Variants in SRGAP3 observed in about 807,000 individuals in gnomAD.
SRGAP3 encodes SLIT-ROBO Rho GTPase activating protein 3.
SRGAP3 carries 39 observed loss-of-function variants against 121.1 expected under a neutral mutation model. That is an observed-to-expected ratio of 0.32 (90% confidence interval 0.25 to 0.42). The LOEUF (loss-of-function observed/expected upper bound fraction) is 0.42. Ranked by LOEUF, SRGAP3 falls within the 10% of genes least tolerant of loss-of-function variation. The pLI, the probability that SRGAP3 is intolerant of heterozygous loss-of-function variation, is 1.00. For missense variants in SRGAP3, 1,213 were observed against 1,470.6 expected, an observed-to-expected ratio of 0.82 and a Z score of 2.86; for synonymous variants, 601 against 570.0, an observed-to-expected ratio of 1.05 and a Z score of -0.77.
intron 3 of SRGAP3, among the ~76,000 whole-genome samples, chr3:9,082,334 G>GT (rs1469134264): frequency 6.6e-6 from 1 of 152,160 alleles, no homozygotes; most frequent in Non-Finnish European, 1.5e-5. Context: ...TTACAGCAAT[G>GT]TAAGAACAGA....
chr3:9,004,874 T>A (rs1406769251), intron 18 of SRGAP3, among the ~76,000 whole-genome samples: 1 of 152,182 alleles, frequency 6.6e-6, no homozygotes, highest in Non-Finnish European at 1.5e-5. Context: ...GCCTCTTAGA[T>A]ATAACACCAA....
At chr3:9,087,340 G>A (rs905748047) in intron 3 of SRGAP3, among the ~76,000 whole-genome samples, 1 of 151,400 alleles carries the variant, frequency 6.6e-6, no homozygotes, top group African/African-American at 2.4e-5. Flanking sequence ...CAACACCCAC[G>A]AGATGCCAAG....
chr3:9,173,030 C>T (rs1028631144), intron 1 of SRGAP3, among the ~76,000 whole-genome samples: 2 of 152,148 alleles, frequency 1.3e-5, no homozygotes, highest in African/African-American at 2.4e-5. Context: ...GGGCATGGCT[C>T]GTGGCCACAA....
At chr3:9,358,258 A>G (rs2030623090) in intron 1 of SRGAP3, among the ~76,000 whole-genome samples, 2 of 148,276 alleles carry the variant, frequency 1.3e-5, no homozygotes, top group South Asian at 4.3e-4. Flanking sequence ...CCCCAGCCCT[A>G]AGCAACCATT....
chr3:9,142,523 C>T (rs1949889223), intron 1 of SRGAP3, among the ~76,000 whole-genome samples: 1 of 152,218 alleles, frequency 6.6e-6, no homozygotes, highest in South Asian at 2.1e-4. Context: ...AAACTCTCTG[C>T]CAAGCTCATA....
intron 3 of SRGAP3, among the ~76,000 whole-genome samples, chr3:9,083,141 C>T (rs1947314961): frequency 6.6e-6 from 1 of 152,198 alleles, no homozygotes; most frequent in South Asian, 2.1e-4. Context: ...TCCCCTGTGG[C>T]CCCTCCCCCT....
intron 1 of SRGAP3, among the ~76,000 whole-genome samples, chr3:9,170,273 T>A (rs1162505628): frequency 6.6e-6 from 1 of 152,168 alleles, no homozygotes; most frequent in Non-Finnish European, 1.5e-5. Flanking sequence ...AAGCCCTGCA[T>A]CACGTCAGTG....
chr3:9,237,406 CA>C (rs1953453558), intron 1 of SRGAP3, among the ~76,000 whole-genome samples: 2 of 152,112 alleles, frequency 1.3e-5, no homozygotes, highest in Non-Finnish European at 2.9e-5. Context: ...CAAGAGAAAT[CA>C]AAGCTCTTAT....
chr3:9,059,283 A>G (rs1293746186), intron 6 of SRGAP3: 1 of 152,306 alleles, frequency 6.6e-6, no homozygotes, highest in African/African-American at 2.4e-5. Context: ...AGTTCCAGAC[A>G]ACAGCAGGTG....
chr3:9,261,514 A>G (rs901438873), intron 3 of SRGAP3, among the ~76,000 whole-genome samples: 5 of 152,080 alleles, frequency 3.3e-5, no homozygotes, highest in Non-Finnish European at 7.4e-5. Flanking sequence ...AAATGACCTG[A>G]TGGAACTGAA....
At chr3:9,231,453 T>C (rs1953209431) in intron 1 of SRGAP3, among the ~76,000 whole-genome samples, 1 of 152,262 alleles carries the variant, frequency 6.6e-6, no homozygotes, top group Admixed American at 6.5e-5. Context: ...CCTAGCAATA[T>C]AATTTCTGTT....
chr3:9,359,773 A>G (rs908777929), intron 1 of SRGAP3, among the ~76,000 whole-genome samples: 17 of 152,240 alleles, frequency 1.1e-4, no homozygotes, highest in Non-Finnish European at 1.5e-5. Context: ...AAACCAATGT[A>G]TCATATCACA....
chr3:9,259,805 G>T (rs1174361232), intron 3 of SRGAP3, among the ~76,000 whole-genome samples: 2 of 147,990 alleles, frequency 1.4e-5, no homozygotes, highest in Non-Finnish European at 3.0e-5. Flanking sequence ...CAATTTTTAG[G>T]TTGGCTTCAT....
intron 1 of SRGAP3, among the ~76,000 whole-genome samples, chr3:9,242,202 G>A (rs4686332): frequency 0.44 from 66,400 of 151,854 alleles, 14,870 homozygotes; most frequent in Admixed American, 0.5. Context: ...AAGCCAGGAA[G>A]CAGGCCGTCA....
chr3:8,992,675 T>C (rs1219408905), intron 20 of SRGAP3: 1 of 632,926 alleles, frequency 1.6e-6, no homozygotes, highest in Admixed American at 2.7e-5. Flanking sequence ...AAGCACTGGG[T>C]TCCCAACACA....
Position 8,990,769 on chromosome 3 carries a change from G to A in SRGAP3, c.2629C>T (p.Arg877Trp), listed in dbSNP as rs1223616278. ...RSGGDTHSPP[R>W]GLGPSIDTPP... Reference sequence around the variant, plus strand: ...GTGTCTATGCTGGGGCCCAGGCCCCGGGGCGGGCTGTGTGTGTCGCCCCCG... The same window carrying A: ...GTGTCTATGCTGGGGCCCAGGCCCCAGGGCGGGCTGTGTGTGTCGCCCCCG... Residue 877 changes from arginine to tryptophan, a missense_variant, in exon 21 of 22, where the codon CGG becomes TGG. Physicochemically the swap from Arg to Trp is moderately radical, Grantham distance 101. Coordinates refer to ENST00000383836, the MANE Select transcript of SRGAP3 (RefSeq NM_014850.4). 4 of 1,603,284 alleles carry A rather than the reference G, an allele frequency of 2.5e-6. No individual in the cohort carries two copies. The highest frequency in any genetic ancestry group is 2.2e-5 in the East Asian group (1 of 44,638).
chr3:9,018,742 AT>A (rs890940627), intron 14 of SRGAP3, among the ~76,000 whole-genome samples: 2 of 152,022 alleles, frequency 1.3e-5, no homozygotes, highest in African/African-American at 2.4e-5. Context: ...TTAGGTAGTA[AT>A]TTTTTTTAGA....
intron 14 of SRGAP3, among the ~76,000 whole-genome samples, chr3:9,017,167 G>C (rs1174189862): frequency 2.0e-5 from 3 of 152,126 alleles, no homozygotes; most frequent in African/African-American, 7.2e-5. Context: ...TAGGTATTAG[G>C]TGTGCTCATT....
At chr3:9,126,794 T>C (rs1307993584) in intron 1 of SRGAP3, among the ~76,000 whole-genome samples, 1 of 151,410 alleles carries the variant, frequency 6.6e-6, no homozygotes, top group Non-Finnish European at 1.5e-5. Context: ...GGGAGGGAGG[T>C]GGATAATGAG....
Sources: gnomAD v4.1 joint callset for allele counts (sites outside exome capture counted in the v4.1 genomes callset) on GRCh38, gnomAD v4.1.1 for gene constraint, MANE v1.5 for transcripts, NCBI Gene and HGNC (gene_info 2026-07-23, HGNC 2026-07-21) for gene names.